Variants in IBTK observed in about 807,000 individuals in gnomAD.
The protein encoded by IBTK is inhibitor of Bruton tyrosine kinase, also known as BTK-binding protein.
A neutral mutation model predicts 154.9 loss-of-function variants in IBTK; 83 were observed. That is an observed-to-expected ratio of 0.54 (90% confidence interval 0.45 to 0.64). IBTK has a LOEUF of 0.64. Ranked by LOEUF, IBTK falls within the 30% of genes least tolerant of loss-of-function variation. The probability of loss-of-function intolerance (pLI) is 0.00; values close to 1 mark genes in which losing one functional copy is unlikely to be tolerated. For synonymous variants in IBTK, 515 were observed against 536.1 expected (o/e 0.96, Z 0.54); for missense variants, 1,332 against 1,584.6 (o/e 0.84, Z 2.71).
chr6:82,232,789 G>T (rs376560827), intron 3 of IBTK, among the ~76,000 whole-genome samples: 9 of 152,074 alleles, frequency 5.9e-5, no homozygotes, highest in African/African-American at 1.7e-4. Flanking sequence ...GCCGAGGAGG[G>T]AGGATCACTG....
At chr6:82,188,060 A>G (rs1768619687) in intron 25 of IBTK, among the ~76,000 whole-genome samples, 1 of 152,210 alleles carries the variant, frequency 6.6e-6, no homozygotes, top group South Asian at 2.1e-4. Flanking sequence ...GACAGACTAA[A>G]GAGACCAAGG....
intron 26 of IBTK, among the ~76,000 whole-genome samples, chr6:82,174,402 G>C (rs939220815): frequency 6.6e-6 from 1 of 152,002 alleles, no homozygotes; most frequent in African/African-American, 2.4e-5. Context: ...AATACAATAT[G>C]GAAGATTGTA....
chr6:82,178,400 T>C (rs1004579305), intron 26 of IBTK, among the ~76,000 whole-genome samples: 8 of 152,162 alleles, frequency 5.3e-5, no homozygotes, highest in African/African-American at 7.2e-5. Context: ...ATATTTAAAA[T>C]ATAAAAATAC....
At chr6:82,220,101 T>C (rs1770041240) in intron 9 of IBTK, among the ~76,000 whole-genome samples, 1 of 152,000 alleles carries the variant, frequency 6.6e-6, no homozygotes, top group African/African-American at 2.4e-5. Context: ...TCCCTGCTAC[T>C]CAGGAGGCTG....
At position 82,171,309 on chromosome 6, in the gene IBTK, T is replaced by C; in HGVS notation, c.*116A>G. 2 of 732,892 alleles carry C rather than the reference T, an allele frequency of 2.7e-6. No homozygotes were observed. Among genetic ancestry groups the C allele is most frequent in the Non-Finnish European group, 2.1e-6 (1 of 472,234 alleles). The allele number at this position is 732,892 out of a possible 1,614,324, so 45.4% of individuals were successfully genotyped here. ...ATTTAACTGCAGTAAAGAAATTATA[T>C]CTTTTCTTAATCTATTTAGAATGAT... On this transcript the variant is annotated 3_prime_UTR_variant, in exon 29 of 29. Transcript: ENST00000306270.
rs1208866532 is a variant in IBTK, at chr6:82,227,302, C to T, written c.544G>A (p.Val182Met). 3.2e-6 allele frequency: 5 copies of T among 1,566,226 alleles called. No homozygotes were observed. Among genetic ancestry groups the T allele is most frequent in the Admixed American group, 1.9e-5 (1 of 53,202 alleles). The change falls in exon 5 of 29, where the codon GTG becomes ATG. Residue 182 changes from valine (V) to methionine (M), a missense_variant and splice_region_variant. Val to Met is a conservative substitution (Grantham distance 21, BLOSUM62 1). Transcript: ENST00000306270. Reference protein sequence around the residue: ...FSRSGIYIKQVVLCKFHSVFL... With the variant: ...FSRSGIYIKQMVLCKFHSVFL... Reference sequence around the variant, plus strand: ...ACGGAGTGAAATTTACAAAGCACCACCTAAGGGAAAACAAGAGAATATTAT... The same window carrying T: ...ACGGAGTGAAATTTACAAAGCACCATCTAAGGGAAAACAAGAGAATATTAT...
At chr6:82,210,067 T>C (rs1769570374) in intron 16 of IBTK, among the ~76,000 whole-genome samples, 3 of 152,180 alleles carry the variant, frequency 2.0e-5, no homozygotes, top group Admixed American at 2.0e-4. Context: ...CCAGTACCAT[T>C]CCAATGAGTA....
At chr6:82,180,034 C>CAGGGGCTAATTTGTTCACCATAGGT (rs1768260496) in intron 26 of IBTK, among the ~76,000 whole-genome samples, 1 of 152,176 alleles carries the variant, frequency 6.6e-6, no homozygotes, top group African/African-American at 2.4e-5. Context: ...TCACCATAGG[C>CAGGGGCTAATTTGTTCACCATAGGT]AGGGGCTAAT....
chr6:82,186,541 GA>G (rs1768563360), intron 25 of IBTK, among the ~76,000 whole-genome samples: 1 of 151,984 alleles, frequency 6.6e-6, no homozygotes, highest in African/African-American at 2.4e-5. Flanking sequence ...CAGGCACCAG[GA>G]AACCAAAAAT....
At chr6:82,214,934 A>G (rs1411624485) in intron 11 of IBTK, 105 bp from the exon 12 acceptor site, 1 of 1,208,846 alleles carries the variant, frequency 8.3e-7, no homozygotes, top group East Asian at 2.5e-5. Flanking sequence ...AACAATATTT[A>G]GAAAATTTTA....
chr6:82,231,035 A>G (rs1447565792), intron 4 of IBTK, among the ~76,000 whole-genome samples: 1 of 152,158 alleles, frequency 6.6e-6, no homozygotes, highest in Non-Finnish European at 1.5e-5. Context: ...TTTTAGTTCT[A>G]TCTACTATCC....
Position 82,216,190 on chromosome 6 carries a change from C to G in IBTK, c.1487G>C (p.Ser496Thr). ...CTCAAGTCGAATTCTTTCATACACA[C>G]TATTTATATCAGAGACATAAGACAC... Reference protein sequence around the residue: ...SDVSYVSDINSVYERIRLEKL... With the variant: ...SDVSYVSDINTVYERIRLEKL... Residue 496 changes from serine (S) to threonine (T), a missense_variant, in exon 11 of 29, where the codon AGT becomes ACT. Around this residue, in one of 3 missense-constraint regions of IBTK, gnomAD observed 1,134 missense variants for 1,274.7 expected, o/e 0.89. Transcript: ENST00000306270. The G allele has an allele frequency of 6.2e-7, 1 of 1,611,324 alleles. No homozygotes were observed. Among genetic ancestry groups the G allele is most frequent in the Non-Finnish European group, 8.5e-7 (1 of 1,178,180 alleles).
rs1276833455 is a variant in IBTK, at chr6:82,172,470, G to T, written c.3840C>A (p.Ala1280=). 1 of 1,613,300 alleles carries T rather than the reference G, an allele frequency of 6.2e-7. No individual in the cohort carries two copies. The highest frequency in any genetic ancestry group is 1.3e-5 in the African/African-American group (1 of 74,854). The change falls in exon 28 of 29, where the codon GCC becomes GCA. Residue 1280 remains alanine, a synonymous_variant. Transcript: ENST00000306270. The stretch of plus-strand genomic sequence containing the variant: ...CTACAATAGATGCAAAAGTGACTGG[G>T]GCTACCATGGATGGAGCAGTCACTG... ...SSSVTAPSMV[A]PVTFASIVEE...
chr6:82,201,717 A>G (rs879548103), intron 18 of IBTK, among the ~76,000 whole-genome samples: 16 of 151,986 alleles, frequency 1.1e-4, no homozygotes, highest in Non-Finnish European at 2.2e-4. Context: ...AAACTCAAGC[A>G]ACTCTTTTTT....
chr6:82,199,548 A>G (rs1224835718), intron 21 of IBTK, among the ~76,000 whole-genome samples: 2 of 152,188 alleles, frequency 1.3e-5, no homozygotes, highest in African/African-American at 4.8e-5. Flanking sequence ...TATGAATGGC[A>G]TCTTACTTGG....
chr6:82,214,233 C>T lies in IBTK; in HGVS notation c.2198G>A (p.Ser733Asn), dbSNP rs147525951. ...TATAAAAGAGAAATCATACCTACTA[C>T]TCAAATTACTGAAGTCGAATTTCTT... ...VAKKFDFSNLSSRLDGVRFEN... is the reference protein window; with the variant it reads ...VAKKFDFSNLNSRLDGVRFEN... The change falls in exon 12 of 29, where the codon AGT becomes AAT. Residue 733 changes from serine to asparagine, a missense_variant. Coordinates refer to ENST00000306270, the MANE Select transcript of IBTK (RefSeq NM_015525.4). 1.9e-6 allele frequency: 3 copies of T among 1,609,142 alleles called. No individual in the cohort carries two copies. Among genetic ancestry groups the T allele is most frequent in the East Asian group, 2.2e-5 (1 of 44,842 alleles).
intron 25 of IBTK, among the ~76,000 whole-genome samples, chr6:82,185,845 T>G (rs1768533640): frequency 6.6e-6 from 1 of 152,108 alleles, no homozygotes; most frequent in Non-Finnish European, 1.5e-5. Context: ...TAATTTCAAT[T>G]TATACTGAAG....
chr6:82,232,801 A>G (rs1208550642), intron 3 of IBTK, among the ~76,000 whole-genome samples: 1 of 152,132 alleles, frequency 6.6e-6, no homozygotes, highest in Admixed American at 6.5e-5. Flanking sequence ...GGATCACTGG[A>G]GTTCAGGAGT....
chr6:82,203,876 G>T (rs911056044), intron 17 of IBTK, among the ~76,000 whole-genome samples: 1 of 152,022 alleles, frequency 6.6e-6, no homozygotes, highest in African/African-American at 2.4e-5. Context: ...AATAACCAAG[G>T]AGTAGACAGT....
Sources: gnomAD v4.1 joint callset for allele counts (sites outside exome capture counted in the v4.1 genomes callset) on GRCh38, gnomAD v4.1.1 for gene constraint, gnomAD v4.1.1 regional missense constraint, MANE v1.5 for transcripts, NCBI Gene and HGNC (gene_info 2026-07-23, HGNC 2026-07-21) for gene names.